The following YWHAG variants were observed in gnomAD, a reference collection of about 807,000 sequenced individuals.
YWHAG encodes tyrosine 3-monooxygenase/tryptophan 5-monooxygenase activation protein gamma, also known as 14-3-3 protein gamma.
Under a neutral mutation model 23.3 loss-of-function variants are expected in YWHAG, and 1 was observed. The observed-to-expected ratio is 0.04, with a 90% CI of 0.02 to 0.20. YWHAG has a LOEUF of 0.20. YWHAG is among the 10% of genes least tolerant of loss of function. The pLI is 1.00. For synonymous variants in YWHAG, 160 were observed against 144.0 expected, an observed-to-expected ratio of 1.11 and a Z score of -0.80; for missense variants, 151 against 338.6, an observed-to-expected ratio of 0.45 and a Z score of 4.35.
rs377449770 is a variant in YWHAG, at chr7:76,329,676, G to A, written c.645C>T (p.Ser215=). 545 of 1,614,262 alleles carry A rather than the reference G, an allele frequency of 3.4e-4. 8 individuals carry two copies. In the South Asian group the frequency reaches 5.7e-3, roughly 17 times the overall value. ...IAELDTLNED[S]YKDSTLIMQL... ...GCATGATGAGCGTGGAGTCCTTGTA[G>A]GAGTCCTCGTTGAGGGTGTCAAGCT... is the stretch of plus-strand genomic sequence containing the variant. The change falls in exon 2 of 2, where the codon TCC becomes TCT. Residue 215 remains serine (S), a synonymous_variant. Transcript: ENST00000307630. This position sits in a 1 kb window ranked among gnomAD's most constrained non-coding sequence, Gnocchi z 6.1.
chr7:76,336,215 G>C (rs1231168926), intron 1 of YWHAG, among the ~76,000 whole-genome samples: 1 of 152,208 alleles, frequency 6.6e-6, no homozygotes, highest in Non-Finnish European at 1.5e-5. Flanking sequence ...GTGATATTCA[G>C]GTGGTGGCTA....
chr7:76,350,294 C>G (rs1803855203), intron 1 of YWHAG, among the ~76,000 whole-genome samples: 1 of 152,196 alleles, frequency 6.6e-6, no homozygotes, highest in Non-Finnish European at 1.5e-5. Context: ...CTTTTGAATT[C>G]TGAAACATGT....
chr7:76,350,533 A>G (rs1353637642), intron 1 of YWHAG, among the ~76,000 whole-genome samples: 1 of 152,168 alleles, frequency 6.6e-6, no homozygotes, highest in Non-Finnish European at 1.5e-5. Flanking sequence ...CTTTTGCACC[A>G]TCATAAAGTT....
intron 1 of YWHAG, among the ~76,000 whole-genome samples, chr7:76,341,666 C>T (rs1803695733): frequency 6.7e-6 from 1 of 149,902 alleles, no homozygotes; most frequent in Non-Finnish European, 1.5e-5. Context: ...ATTCCAGTTA[C>T]ATAATATGTC....
At chr7:76,343,091 T>G (rs376127797) in intron 1 of YWHAG, among the ~76,000 whole-genome samples, 1 of 152,030 alleles carries the variant, frequency 6.6e-6, no homozygotes, top group South Asian at 2.1e-4. Context: ...GAGCCAAGAT[T>G]GCACCATTGC....
Position 76,327,688 on chromosome 7 carries a change from C to CCCCCCCCCCCCCT in YWHAG, c.*1888_*1889insAGGGGGGGGGGGG, listed in dbSNP as rs1563660690. The CCCCCCCCCCCCCT allele has an allele frequency of 8.4e-6, 1 of 118,510 alleles. No homozygotes were observed. Among genetic ancestry groups the CCCCCCCCCCCCCT allele is most frequent in the Non-Finnish European group, 1.8e-5 (1 of 56,046 alleles). The allele number at this position is 118,510 out of a possible 1,614,324, so 7.3% of individuals were successfully genotyped here. On this transcript the variant is annotated 3_prime_UTR_variant, in exon 2 of 2. Transcript: ENST00000307630. The stretch of plus-strand genomic sequence containing the variant: ...ACCCTGCCCCCCCCCCCCTCCCCCC[C>CCCCCCCCCCCCCT]CAAATCGTCTTCCTCCCATGGCAAT...
chr7:76,355,899 C>G (rs1803947924), intron 1 of YWHAG, among the ~76,000 whole-genome samples: 1 of 152,146 alleles, frequency 6.6e-6, no homozygotes, highest in East Asian at 1.9e-4. Flanking sequence ...TTGTCTAATA[C>G]GTAGGATACA....
chr7:76,354,773 T>C (rs372721986), intron 1 of YWHAG, among the ~76,000 whole-genome samples: 7 of 152,132 alleles, frequency 4.6e-5, no homozygotes, highest in Non-Finnish European at 1.0e-4. Context: ...AAGCCAGCCT[T>C]AGGGCTGAAA....
chr7:76,341,744 G>A (rs1803697006), intron 1 of YWHAG, among the ~76,000 whole-genome samples: 1 of 152,162 alleles, frequency 6.6e-6, no homozygotes. Context: ...TGGGAGGGGA[G>A]GTGATGGGGA....
intron 1 of YWHAG, among the ~76,000 whole-genome samples, chr7:76,353,647 A>T (rs139530072): frequency 1.3e-5 from 2 of 152,280 alleles, no homozygotes. Flanking sequence ...TTTGGTAGTT[A>T]ATCAAAATGA....
chr7:76,356,615 A>G (rs996579106), intron 1 of YWHAG, among the ~76,000 whole-genome samples: 2 of 152,204 alleles, frequency 1.3e-5, no homozygotes, highest in Admixed American at 6.6e-5. Flanking sequence ...GTCATAAACT[A>G]TATTCTTGTT....
At chr7:76,345,877 G>A (rs1803771683) in intron 1 of YWHAG, among the ~76,000 whole-genome samples, 1 of 152,096 alleles carries the variant, frequency 6.6e-6, no homozygotes, top group East Asian at 1.9e-4. Context: ...GGAGATGGAG[G>A]TTGCAGGGAG....
intron 1 of YWHAG, among the ~76,000 whole-genome samples, chr7:76,337,379 C>T (rs530201352): frequency 3.5e-4 from 54 of 152,254 alleles, no homozygotes; most frequent in Non-Finnish European, 5.4e-4. Flanking sequence ...CCCCCAGCTG[C>T]TCTCTAACAA....
At chr7:76,334,168 A>G (rs1803584707) in intron 1 of YWHAG, among the ~76,000 whole-genome samples, 1 of 152,252 alleles carries the variant, frequency 6.6e-6, no homozygotes, top group African/African-American at 2.4e-5. Flanking sequence ...ACCTTAAATC[A>G]AAATTTTTAA....
At chr7:76,353,193 A>C (rs1803900249) in intron 1 of YWHAG, among the ~76,000 whole-genome samples, 1 of 152,046 alleles carries the variant, frequency 6.6e-6, no homozygotes, top group Middle Eastern at 3.2e-3. Flanking sequence ...TTACCTTAAA[A>C]TTAAAGCTTT....
intron 1 of YWHAG, among the ~76,000 whole-genome samples, chr7:76,330,539 T>C (rs1052852453): frequency 3.9e-5 from 6 of 152,202 alleles, no homozygotes; most frequent in Non-Finnish European, 8.8e-5. Flanking sequence ...TGAGTACAGA[T>C]GGTCTAACTC....
At position 76,341,724 on chromosome 7, in the gene YWHAG, A is replaced by G. The variant is rs965865928; in HGVS notation, c.88-11491T>C. On this transcript the variant is annotated intron_variant, in intron 1 of 1. Transcript: ENST00000307630. ...ATAGAAAGCAGATTAGTGGTTACTT[A>G]GGGCTGGGTTGGGAGGGGAGGTGAT... is the stretch of plus-strand genomic sequence containing the variant. 4.1e-5 allele frequency among the ~76,000 whole-genome samples: 6 copies of G among 146,424 alleles called. No individual in the cohort carries two copies. The South Asian group carries it at 1.4e-3, about 35-fold the overall frequency.
At position 76,327,066 on chromosome 7, in the gene YWHAG, CATTAAG is replaced by C. The variant is rs1402711286; in HGVS notation, c.*2505_*2510del. 1 of 152,526 alleles carries C rather than the reference CATTAAG, an allele frequency of 6.6e-6. No individual in the cohort carries two copies. Among genetic ancestry groups the C allele is most frequent in the African/African-American group, 2.4e-5 (1 of 41,420 alleles). 9.4% of individuals were successfully genotyped at this position (152,526 alleles called of 1,614,324 possible). On this transcript the variant is annotated 3_prime_UTR_variant, in exon 2 of 2. Coordinates refer to ENST00000307630, the MANE Select transcript of YWHAG (RefSeq NM_012479.4). ...TAATTTCACCATGACAAACACCAGA[CATTAAG>C]ATTAAGCTAACACTGGTGTTTCTTT...
intron 1 of YWHAG, 117 bp downstream of exon 1, chr7:76,358,605 C>G (rs1381167074): frequency 6.7e-6 from 7 of 1,045,188 alleles, no homozygotes; most frequent in Non-Finnish European, 8.1e-6. Flanking sequence ...CCTCAGTGAG[C>G]GAGACGGGGC....
Sources: allele counts gnomAD v4.1 joint callset (sites outside exome capture counted in the v4.1 genomes callset), GRCh38; gene constraint gnomAD v4.1.1; non-coding constraint Gnocchi (gnomAD v3.1); transcripts MANE v1.5; gene names NCBI Gene and HGNC (gene_info 2026-07-23, HGNC 2026-07-21).